CATSPERE: variants seen among roughly 807,000 people sequenced by gnomAD.
CATSPERE encodes the protein cation channel sperm-associated auxiliary subunit epsilon.
A neutral mutation model predicts 114.1 loss-of-function variants in CATSPERE; 93 were observed. The ratio of observed to expected loss-of-function variants is 0.81; its 90% CI spans 0.69 to 0.97. CATSPERE has a LOEUF of 0.97. CATSPERE is among the 50% of genes least tolerant of loss of function. The pLI, the probability that CATSPERE is intolerant of heterozygous loss-of-function variation, is 0.00. For synonymous variants in CATSPERE, 341 were observed against 384.1 expected (o/e 0.89, Z 1.31); for missense variants, 1,058 against 1,131.6 (o/e 0.93, Z 0.93).
intron 8 of CATSPERE, among the ~76,000 whole-genome samples, chr1:244,535,311 G>A (rs1175436298): frequency 6.6e-6 from 1 of 152,188 alleles, no homozygotes; most frequent in African/African-American, 2.4e-5. Context: ...AGCAGGTGGT[G>A]AAGCCAGCCA....
intron 2 of CATSPERE, among the ~76,000 whole-genome samples, chr1:244,469,960 G>A (rs1055068534): frequency 1.3e-5 from 2 of 151,932 alleles, no homozygotes; most frequent in Admixed American, 1.3e-4. Context: ...GAATTGAATG[G>A]AAAAAGAACG....
intron 8 of CATSPERE, among the ~76,000 whole-genome samples, chr1:244,540,119 A>G (rs940299040): frequency 1.2e-4 from 18 of 151,208 alleles, no homozygotes; most frequent in African/African-American, 4.1e-4. Flanking sequence ...GCCCTCTCTC[A>G]CCACTCCTAT....
At chr1:244,503,454 A>G (rs962092292) in intron 7 of CATSPERE, among the ~76,000 whole-genome samples, 3 of 152,142 alleles carry the variant, frequency 2.0e-5, no homozygotes, top group Non-Finnish European at 2.9e-5. Flanking sequence ...CCATTTCAAC[A>G]TATATTAGAC....
chr1:244,595,939 GAAAA>G (rs797002010), intron 17 of CATSPERE, among the ~76,000 whole-genome samples: 1 of 147,460 alleles, frequency 6.8e-6, no homozygotes, highest in African/African-American at 2.5e-5. Context: ...TCTCAAAAAA[GAAAA>G]AAAAAAATTT....
upstream of CATSPERE, chr1:244,461,231 G>A: frequency 2.4e-6 from 1 of 408,904 alleles, no homozygotes; most frequent in Non-Finnish European, 4.2e-6. Context: ...GCTACTTTCA[G>A]GCCTCTAGGG....
At chr1:244,627,122 G>T (rs1298012654) in intron 20 of CATSPERE, among the ~76,000 whole-genome samples, 1 of 152,094 alleles carries the variant, frequency 6.6e-6, no homozygotes, top group Non-Finnish European at 1.5e-5. Flanking sequence ...CTTCAATATT[G>T]CCGTGTCTCA....
At chr1:244,552,118 A>G (rs1298824867) in intron 8 of CATSPERE, among the ~76,000 whole-genome samples, 1 of 151,850 alleles carries the variant, frequency 6.6e-6, no homozygotes, top group Non-Finnish European at 1.5e-5. Context: ...AGAGACAGAA[A>G]CAGCTGCAAG....
At chr1:244,585,155 T>C (rs4379665) in intron 13 of CATSPERE, among the ~76,000 whole-genome samples, 28,556 of 152,072 alleles carry the variant, frequency 0.19, 3,906 homozygotes, top group East Asian at 0.4. Flanking sequence ...CAGATCCACA[T>C]TCTACCATCC....
intron 11 of CATSPERE, among the ~76,000 whole-genome samples, chr1:244,580,451 A>G (rs1666000729): frequency 6.6e-6 from 1 of 152,032 alleles, no homozygotes; most frequent in Admixed American, 6.6e-5. Flanking sequence ...TTCACGGACT[A>G]ATTATTGGCT....
rs189270043 is a variant in CATSPERE at position 244,577,256 on chromosome 1, T to C, written c.1950+4484T>C. 7.3e-4 allele frequency among the ~76,000 whole-genome samples: 111 copies of C among 151,650 alleles called. 2 individuals are homozygous for C. The East Asian group carries it at 0.019, about 26-fold the overall frequency. Reference sequence around the variant, plus strand: ...AGGGAAACAGTAACTCTACTTTCATTTGATACTTATTTTATCAATCTATAA... The same window carrying C: ...AGGGAAACAGTAACTCTACTTTCATCTGATACTTATTTTATCAATCTATAA... On this transcript the variant is annotated intron_variant, in intron 11 of 21. Transcript: ENST00000366534.
chr1:244,615,748 C>T (rs1671296070), intron 19 of CATSPERE, among the ~76,000 whole-genome samples: 1 of 152,022 alleles, frequency 6.6e-6, no homozygotes, highest in Non-Finnish European at 1.5e-5. Flanking sequence ...TGTATCCTCA[C>T]ATTTCATGAT....
chr1:244,456,176 A>T (rs1666146518), intron 1 of CATSPERE, among the ~76,000 whole-genome samples: 1 of 151,026 alleles, frequency 6.6e-6, no homozygotes. Flanking sequence ...TGAAATGCAT[A>T]GTTGGTAAAA....
rs543771057 is a variant in CATSPERE at position 244,595,882 on chromosome 1, G to A, written c.2303+2304G>A. ...CAGGAGGCGGAGCTTGCAGTGAGCCGAGATGGCGCCACTGCACTCTAGCCT... is the reference window on the plus strand; with the variant it reads ...CAGGAGGCGGAGCTTGCAGTGAGCCAAGATGGCGCCACTGCACTCTAGCCT... On this transcript the variant is annotated intron_variant, in intron 17 of 21. Coordinates refer to ENST00000366534, the MANE Select transcript of CATSPERE (RefSeq NM_001130957.2). Among the ~76,000 whole-genome samples the A allele has an allele frequency of 2.6e-5, 4 of 152,232 alleles. No homozygotes were observed. The South Asian group carries it at 6.2e-4, about 24-fold the overall frequency.
At chr1:244,597,217 A>G (rs757770978) in intron 17 of CATSPERE, among the ~76,000 whole-genome samples, 1 of 152,118 alleles carries the variant, frequency 6.6e-6, no homozygotes, top group Non-Finnish European at 1.5e-5. Context: ...TCTTGACCCT[A>G]CTAGCCCTTC....
rs372599177 is a variant in CATSPERE, at chr1:244,482,962, T to C, written c.326+3178T>C. On this transcript the variant is annotated intron_variant, in intron 5 of 21. Coordinates refer to ENST00000366534, the MANE Select transcript of CATSPERE (RefSeq NM_001130957.2). ...ATATGATAAGTATTCTTCCATGAGT[T>C]GCTTCTCTAAAAATTATGTTTTTGA... 2.6e-5 allele frequency among the ~76,000 whole-genome samples: 4 copies of C among 152,344 alleles called. No homozygotes were observed. The East Asian group carries it at 5.8e-4, about 22-fold the overall frequency.
chr1:244,529,783 T>A (rs914296086), intron 8 of CATSPERE, among the ~76,000 whole-genome samples: 2 of 152,196 alleles, frequency 1.3e-5, no homozygotes, highest in Non-Finnish European at 1.5e-5. Context: ...GCTCAAGAAA[T>A]CTTTGCCCAC....
chr1:244,481,323 C>T (rs1021450005), intron 5 of CATSPERE, among the ~76,000 whole-genome samples: 6 of 151,636 alleles, frequency 4.0e-5, no homozygotes, highest in South Asian at 2.1e-4. Context: ...TGGTGGCGGG[C>T]GCCTGTAATC....
intron 19 of CATSPERE, among the ~76,000 whole-genome samples, chr1:244,613,044 T>G (rs1199728522): frequency 1.3e-5 from 2 of 152,158 alleles, no homozygotes; most frequent in Non-Finnish European, 2.9e-5. Context: ...GGAAACAATA[T>G]AAATATTCCT....
At chr1:244,610,164 C>A in intron 18 of CATSPERE, 76 bp from the exon 19 acceptor site, 3 of 948,960 alleles carry the variant, frequency 3.2e-6, no homozygotes, top group Non-Finnish European at 3.2e-6. Flanking sequence ...TCAATAGCAA[C>A]AAAACATTAA....
Sources: allele counts gnomAD v4.1 joint callset (sites outside exome capture counted in the v4.1 genomes callset), GRCh38; gene constraint gnomAD v4.1.1; transcripts MANE v1.5; gene names NCBI Gene and HGNC (gene_info 2026-07-23, HGNC 2026-07-21).